Variants in CARM1 observed in about 807,000 individuals in gnomAD.
CARM1 encodes coactivator associated arginine methyltransferase 1, also known as histone-arginine methyltransferase CARM1.
A neutral mutation model predicts 72.7 loss-of-function variants in CARM1; 14 were observed. That is an observed-to-expected ratio of 0.19 (90% CI 0.13 to 0.30). The LOEUF (loss-of-function observed/expected upper bound fraction) is 0.30, where lower values mean the gene tolerates loss of function less well. Among genes scored for constraint, CARM1 ranks in the 10% least tolerant of loss-of-function variants. The pLI, the probability that CARM1 is intolerant of heterozygous loss-of-function variation, is 1.00. For missense variants in CARM1, 432 were observed against 833.7 expected (o/e 0.52, Z 5.93); for synonymous variants, 333 against 345.5 (o/e 0.96, Z 0.40).
At position 10,901,086 on chromosome 19, in the gene CARM1, A is replaced by G. The variant is rs142758385; in HGVS notation, c.221-3865A>G. ...AACCTCCACCTCCCTGATTCAAGCA[A>G]TTCTCCCTGTCTCAGCTTCCTGAGT... On this transcript the variant is annotated intron_variant, in intron 1 of 15. Transcript: ENST00000327064. Among the ~76,000 whole-genome samples the G allele has an allele frequency of 1.0e-4, 15 of 148,356 alleles. No individual in the cohort carries two copies. In the East Asian group the frequency reaches 3.0e-3, roughly 30 times the overall value.
At chr19:10,894,133 G>C (rs1448514679) in intron 1 of CARM1, among the ~76,000 whole-genome samples, 1 of 152,192 alleles carries the variant, frequency 6.6e-6, no homozygotes, top group African/African-American at 2.4e-5. Flanking sequence ...TCTGAATTGG[G>C]CCTGGTCCGC....
chr19:10,891,387 G>A (rs529917983), intron 1 of CARM1, among the ~76,000 whole-genome samples: 67 of 152,260 alleles, frequency 4.4e-4, no homozygotes, highest in Middle Eastern at 6.8e-3. Flanking sequence ...GGCTCGTTTG[G>A]GAGGCCTCCC....
Position 10,915,221 on chromosome 19 carries a change from C to G in CARM1, c.847+1167C>G, listed in dbSNP as rs1408098063. On this transcript the variant is annotated intron_variant, in intron 6 of 15. Coordinates refer to ENST00000327064, the MANE Select transcript of CARM1 (RefSeq NM_199141.2). The surrounding 1 kb of genome is among the most constrained non-coding windows in gnomAD (Gnocchi z 4.6). ...TTGGGTGTGAGTATGGGAAGCAAGG[C>G]TGCTCCAGGGGCTGTGGGCCCCACT... is the stretch of plus-strand genomic sequence containing the variant. 6.6e-6 allele frequency among the ~76,000 whole-genome samples: 1 copy of G among 152,136 alleles called. No homozygotes were observed. The highest frequency in any genetic ancestry group is 1.5e-5 in the Non-Finnish European group (1 of 68,014).
At chr19:10,875,029 A>T (rs2073852394) in intron 1 of CARM1, among the ~76,000 whole-genome samples, 2 of 152,104 alleles carry the variant, frequency 1.3e-5, no homozygotes, top group Non-Finnish European at 2.9e-5. Flanking sequence ...GTCTGAAAAA[A>T]AAAAAAAAAG....
intron 2 of CARM1, among the ~76,000 whole-genome samples, chr19:10,906,861 CTTTATTTTATTTTATTTTATTTTAT>C (rs58330229): frequency 3.8e-4 from 44 of 114,910 alleles, no homozygotes; most frequent in African/African-American, 5.7e-4. Context: ...ATAAATATAG[CTTTATTTTATTTTATTTTATTTTAT>C]TTTATTTTAT....
intron 1 of CARM1, among the ~76,000 whole-genome samples, chr19:10,903,483 A>G (rs576967283): frequency 6.6e-6 from 1 of 152,284 alleles, no homozygotes; most frequent in East Asian, 1.9e-4. Context: ...GCATTTCTCT[A>G]CAAAACCACA....
intron 1 of CARM1, among the ~76,000 whole-genome samples, chr19:10,888,692 G>T (rs1019224028): frequency 6.6e-6 from 1 of 152,056 alleles, no homozygotes; most frequent in African/African-American, 2.4e-5. Context: ...CTAAGCTCCC[G>T]CGCTTTCTGG....
intron 1 of CARM1, among the ~76,000 whole-genome samples, chr19:10,873,087 G>C (rs1487640207): frequency 1.3e-5 from 2 of 152,142 alleles, no homozygotes; most frequent in African/African-American, 4.8e-5. Context: ...CCAGATGAGA[G>C]GGGAAGGAGG....
At chr19:10,911,475 G>C (rs937524687) in intron 4 of CARM1, among the ~76,000 whole-genome samples, 1 of 152,202 alleles carries the variant, frequency 6.6e-6, no homozygotes, top group Non-Finnish European at 1.5e-5. Context: ...CAAGGATGGA[G>C]ATCCATTTCC....
chr19:10,871,934 GC>G lies in CARM1; in HGVS notation c.220+16del. On this transcript the variant is annotated intron_variant, in intron 1 of 15. Coordinates refer to ENST00000327064, the MANE Select transcript of CARM1 (RefSeq NM_199141.2). This position sits in a 1 kb window ranked among gnomAD's most constrained non-coding sequence, Gnocchi z 5.6. ...CGCCCTCTACAGCCGTGAGTACGGG[GC>G]CCCGGGGCAGGCGCAGGGCCGGGGC... 1.7e-6 allele frequency: 2 copies of G among 1,184,138 alleles called. No homozygotes were observed. The highest frequency in any genetic ancestry group is 1.0e-6 in the Non-Finnish European group (1 of 956,702). The allele number at this position is 1,184,138 out of a possible 1,614,324, so 73.4% of individuals were successfully genotyped here. A position where few individuals can be genotyped will look rare whatever the true frequency, so the allele number is the denominator to read the frequency against.
chr19:10,893,336 G>A (rs865929241), intron 1 of CARM1, among the ~76,000 whole-genome samples: 1 of 148,972 alleles, frequency 6.7e-6, no homozygotes, highest in Middle Eastern at 4.0e-3. Context: ...TGCCCCCACT[G>A]TGCCTATTTT....
chr19:10,904,026 C>T (rs1198926058), intron 1 of CARM1, among the ~76,000 whole-genome samples: 1 of 152,180 alleles, frequency 6.6e-6, no homozygotes, highest in African/African-American at 2.4e-5. Flanking sequence ...CTTTTAAAAA[C>T]ATTTTTCGTT....
Position 10,885,006 on chromosome 19 carries a change from G to A in CARM1, c.220+13084G>A, listed in dbSNP as rs182835263. On this transcript the variant is annotated intron_variant, in intron 1 of 15. Coordinates refer to ENST00000327064, the MANE Select transcript of CARM1 (RefSeq NM_199141.2). The stretch of plus-strand genomic sequence containing the variant: ...CAGACGTGAGCCATCATGCCTGGCC[G>A]CTTATTTATTTTAATTGTTGTTTAG... Among the ~76,000 whole-genome samples, 21 of 152,178 alleles carry A rather than the reference G, an allele frequency of 1.4e-4. No homozygotes were observed. The East Asian group carries it at 1.7e-3, about 13-fold the overall frequency.
At chr19:10,894,542 G>A (rs2074010252) in intron 1 of CARM1, among the ~76,000 whole-genome samples, 1 of 152,054 alleles carries the variant, frequency 6.6e-6, no homozygotes, top group Admixed American at 6.6e-5. Context: ...TTTGGACAAC[G>A]GCTTCTACAG....
chr19:10,889,063 C>T (rs1379257125), intron 1 of CARM1, among the ~76,000 whole-genome samples: 1 of 152,190 alleles, frequency 6.6e-6, no homozygotes, highest in Non-Finnish European at 1.5e-5. Context: ...TGGGTGTCCT[C>T]AGTTCAGGGG....
intron 1 of CARM1, among the ~76,000 whole-genome samples, chr19:10,872,772 CT>C (rs1330973974): frequency 6.6e-6 from 1 of 151,998 alleles, no homozygotes; most frequent in Non-Finnish European, 1.5e-5. Flanking sequence ...CTTGTTACTC[CT>C]TCTTATCTCT....
chr19:10,890,791 ATATATTTTTTTTTTT>A (rs1403535770), intron 1 of CARM1, among the ~76,000 whole-genome samples: 2 of 99,632 alleles, frequency 2.0e-5, no homozygotes, highest in Admixed American at 2.2e-4. Context: ...ATATATATAT[ATATATTTTTTTTTTT>A]TTTTTTTTTT....
chr19:10,882,128 G>A (rs1013794651), intron 1 of CARM1, among the ~76,000 whole-genome samples: 26 of 152,272 alleles, frequency 1.7e-4, no homozygotes, highest in African/African-American at 5.1e-4. Flanking sequence ...TGTCAGTTGT[G>A]GATCTTGACA....
chr19:10,879,067 A>G (rs1344521841), intron 1 of CARM1, among the ~76,000 whole-genome samples: 2 of 152,084 alleles, frequency 1.3e-5, no homozygotes, highest in African/African-American at 4.8e-5. Context: ...TCGGCCTCCC[A>G]AAGTGCTGGG....
Sources: gnomAD v4.1 joint callset for allele counts (sites outside exome capture counted in the v4.1 genomes callset) on GRCh38, gnomAD v4.1.1 for gene constraint, Gnocchi (gnomAD v3.1) non-coding constraint, MANE v1.5 for transcripts, NCBI Gene and HGNC (gene_info 2026-07-23, HGNC 2026-07-21) for gene names.